CTBP2: variants seen among roughly 807,000 people sequenced by gnomAD.
CTBP2 encodes the protein C-terminal-binding protein 2.
CTBP2 carries 30 observed loss-of-function variants against 80.3 expected under a neutral mutation model. The observed-to-expected ratio is 0.37, with a 90% confidence interval of 0.28 to 0.51. CTBP2 has a LOEUF of 0.51. Among genes scored for constraint, CTBP2 ranks in the 20% least tolerant of loss-of-function variants. The pLI, the probability that CTBP2 is intolerant of heterozygous loss-of-function variation, is 0.93. For missense variants in CTBP2, 1,212 were observed against 1,375.3 expected, an observed-to-expected ratio of 0.88 and a Z score of 1.88; for synonymous variants, 594 against 587.4, an observed-to-expected ratio of 1.01 and a Z score of -0.16.
rs1437213265 is a variant in CTBP2 at position 125,066,271 on chromosome 10, A to C, written c.-101-27116T>G. ...CCACCCCTCTACCAAGCCACATCCC[A>C]AATCCTAACCCCAGCAGAGCCAGAG... On this transcript the variant is annotated intron_variant, in intron 2 of 10. Transcript: ENST00000337195. The surrounding 1 kb of genome is among the most constrained non-coding windows in gnomAD (Gnocchi z 4.1). Among the ~76,000 whole-genome samples the C allele has an allele frequency of 6.6e-6, 1 of 152,024 alleles. No individual in the cohort carries two copies. The highest frequency in any genetic ancestry group is 2.4e-5 in the African/African-American group (1 of 41,394).
At chr10:125,091,216 G>A (rs928547534) in intron 2 of CTBP2, among the ~76,000 whole-genome samples, 1 of 152,198 alleles carries the variant, frequency 6.6e-6, no homozygotes, top group Non-Finnish European at 1.5e-5. Context: ...GTCTGCAGAG[G>A]TATCTATGCA....
chr10:125,072,437 A>C (rs889062654), intron 2 of CTBP2, among the ~76,000 whole-genome samples: 1 of 152,144 alleles, frequency 6.6e-6, no homozygotes, highest in Non-Finnish European at 1.5e-5. Flanking sequence ...CAACATGGTG[A>C]AACCTCATCT....
chr10:125,027,234 CCT>C lies in CTBP2; in HGVS notation c.524_525del (p.Gln175ArgfsTer45), dbSNP rs141864737. On this transcript the variant is annotated frameshift_variant, in exon 1 of 9. Coordinates refer to ENST00000309035, the MANE Select transcript of CTBP2 (RefSeq NM_022802.3). LOFTEE classifies it high-confidence loss of function. ...GCAGCCCTGCTCTGTGTCTGCCGCC[CCT>C]GAGGGATCATTTTACCTCCAGGATC... is the stretch of plus-strand genomic sequence containing the variant. The C allele has an allele frequency of 2.1e-3, 3,459 of 1,613,540 alleles. 6 individuals are homozygous for C. Among genetic ancestry groups the C allele is most frequent in the Non-Finnish European group, 2.7e-3 (3,135 of 1,179,968 alleles).
intron 2 of CTBP2, among the ~76,000 whole-genome samples, chr10:125,061,223 C>T (rs1285453488): frequency 1.3e-5 from 2 of 152,232 alleles, no homozygotes; most frequent in African/African-American, 2.4e-5. Context: ...ATCTTATTTT[C>T]GTCTGCAAGG....
intron 2 of CTBP2, among the ~76,000 whole-genome samples, chr10:125,099,486 A>G (rs953059220): frequency 6.6e-6 from 1 of 152,090 alleles, no homozygotes; most frequent in African/African-American, 2.4e-5. Flanking sequence ...CCTCCCCCCA[A>G]GTTCACTGAA....
At chr10:125,063,459 C>G in intron 2 of CTBP2, among the ~76,000 whole-genome samples, 1 of 152,182 alleles carries the variant, frequency 6.6e-6, no homozygotes, top group East Asian at 1.9e-4. Context: ...GGATAACACC[C>G]AAACACGTCG....
chr10:125,120,356 C>T (rs1262698321), intron 1 of CTBP2, among the ~76,000 whole-genome samples: 3 of 152,234 alleles, frequency 2.0e-5, no homozygotes, highest in African/African-American at 7.2e-5. Flanking sequence ...AAATTACTTA[C>T]AAGCGTGACC....
intron 2 of CTBP2, among the ~76,000 whole-genome samples, chr10:125,061,473 G>A (rs549973496): frequency 9.9e-5 from 15 of 152,270 alleles, no homozygotes; most frequent in African/African-American, 2.9e-4. Context: ...GCCCTGCAGC[G>A]CCAGGAACAG....
chr10:124,984,930 C>T lies in CTBP2; in HGVS notation c.*4588G>A. On this transcript the variant is annotated 3_prime_UTR_variant, in exon 9 of 9. Transcript: ENST00000309035. ...AGAAAAATGGCTTGACCGCTACCGA[C>T]AGATCCGGCCGTGTACATCCCTGTC... is the stretch of plus-strand genomic sequence containing the variant. 1 of 1,613,802 alleles carries T rather than the reference C, an allele frequency of 6.2e-7. No homozygotes were observed. The highest frequency in any genetic ancestry group is 8.5e-7 in the Non-Finnish European group (1 of 1,179,982).
intron 1 of CTBP2, among the ~76,000 whole-genome samples, chr10:125,008,198 G>A (rs528606785): frequency 9.9e-5 from 15 of 152,218 alleles, no homozygotes; most frequent in Admixed American, 2.6e-4. Flanking sequence ...CACCTGCCTC[G>A]GTCTCCCAAA....
At chr10:125,158,205 A>G (rs1861281189) in intron 1 of CTBP2, among the ~76,000 whole-genome samples, 1 of 152,218 alleles carries the variant, frequency 6.6e-6, no homozygotes, top group African/African-American at 2.4e-5. Flanking sequence ...CTCAAAGTAC[A>G]TGAAAACTAC....
intron 1 of CTBP2, among the ~76,000 whole-genome samples, chr10:125,019,742 C>T (rs900101810): frequency 6.6e-6 from 1 of 152,154 alleles, no homozygotes; most frequent in African/African-American, 2.4e-5. Flanking sequence ...TCATGACCCT[C>T]GATTAAGCAA....
intron 1 of CTBP2, among the ~76,000 whole-genome samples, chr10:125,111,315 T>C (rs1417247278): frequency 6.6e-6 from 1 of 152,208 alleles, no homozygotes; most frequent in Non-Finnish European, 1.5e-5. Flanking sequence ...TCCATCTATT[T>C]TGACACAAAG....
At chr10:125,091,652 G>A (rs1848775741) in intron 2 of CTBP2, among the ~76,000 whole-genome samples, 1 of 152,106 alleles carries the variant, frequency 6.6e-6, no homozygotes, top group Non-Finnish European at 1.5e-5. Context: ...GCATGCCTGT[G>A]GTCCCAGCTA....
chr10:125,035,636 T>C (rs1958777122), intron 3 of CTBP2, among the ~76,000 whole-genome samples: 1 of 152,246 alleles, frequency 6.6e-6, no homozygotes, highest in South Asian at 2.1e-4. Context: ...TATTAAGTTC[T>C]ACAAACCCAG....
At chr10:125,105,537 G>C (rs1851319967) in intron 2 of CTBP2, among the ~76,000 whole-genome samples, 1 of 152,124 alleles carries the variant, frequency 6.6e-6, no homozygotes. Context: ...TATTTTATCA[G>C]CATTTGTAGC....
rs762879325 is a variant in CTBP2 at position 125,026,674 on chromosome 10, GC to G, written c.1085del (p.Gly362AlafsTer86). 56 of 1,606,312 alleles carry G rather than the reference GC, an allele frequency of 3.5e-5. No homozygotes were observed. Among genetic ancestry groups the G allele is most frequent in the Admixed American group, 6.8e-5 (4 of 59,104 alleles). On this transcript the variant is annotated frameshift_variant, in exon 1 of 9. Coordinates refer to ENST00000309035, the MANE Select transcript of CTBP2 (RefSeq NM_022802.3). LOFTEE classifies it high-confidence loss of function. ...TGCTGGACCGCGCCCGGGGCAGCGG[GC>G]CCCCCCGGTCCTGCCTCCGCAGCTG...
chr10:125,141,755 CAGTA>C (rs1217279476), intron 1 of CTBP2, among the ~76,000 whole-genome samples: 1 of 152,214 alleles, frequency 6.6e-6, no homozygotes, highest in East Asian at 1.9e-4. Context: ...AGCGAGCACA[CAGTA>C]AGCACATGGC....
chr10:125,049,702 A>G (rs537157214), intron 2 of CTBP2, among the ~76,000 whole-genome samples: 31 of 152,250 alleles, frequency 2.0e-4, no homozygotes, highest in African/African-American at 7.5e-4. Context: ...GAGATAAGCT[A>G]TCAAAGCAAA....
Sources: allele counts gnomAD v4.1 joint callset (sites outside exome capture counted in the v4.1 genomes callset), GRCh38; gene constraint gnomAD v4.1.1; non-coding constraint Gnocchi (gnomAD v3.1); transcripts MANE v1.5; gene names NCBI Gene and HGNC (gene_info 2026-07-23, HGNC 2026-07-21).